COL8A1: variants seen among roughly 807,000 people sequenced by gnomAD.
The protein encoded by COL8A1 is collagen alpha-1(VIII) chain.
A neutral mutation model predicts 42.7 loss-of-function variants in COL8A1; 21 were observed. The ratio of observed to expected loss-of-function variants is 0.49; its 90% CI spans 0.35 to 0.71. The LOEUF (loss-of-function observed/expected upper bound fraction) is 0.71, where lower values mean the gene tolerates loss of function less well. Among genes scored for constraint, COL8A1 ranks in the 30% least tolerant of loss-of-function variants. COL8A1 has a pLI of 0.01. For synonymous variants in COL8A1, 367 were observed against 369.1 expected (o/e 0.99, Z 0.06); for missense variants, 788 against 962.4 (o/e 0.82, Z 2.40).
chr3:99,726,322 T>C (rs954492779), intron 1 of COL8A1, among the ~76,000 whole-genome samples: 11 of 151,642 alleles, frequency 7.3e-5, no homozygotes, highest in East Asian at 1.9e-4. Flanking sequence ...CCCTTTGTCA[T>C]ATGAGTAGGT....
rs913965602 is a variant in COL8A1, at chr3:99,774,767, C to T, written c.-3-15913C>T. ...ACTGTGAGTCATTCCAGGACAGGAG[C>T]CTCATTCTCCACTCATTAGTGAGTC... is the stretch of plus-strand genomic sequence containing the variant. On this transcript the variant is annotated intron_variant, in intron 2 of 3. Coordinates refer to ENST00000652472, the MANE Select transcript of COL8A1 (RefSeq NM_020351.4). Among the ~76,000 whole-genome samples, 10 of 152,316 alleles carry T rather than the reference C, an allele frequency of 6.6e-5. No individual in the cohort carries two copies. The Middle Eastern group carries it at 0.01, about 155-fold the overall frequency.
intron 2 of COL8A1, among the ~76,000 whole-genome samples, chr3:99,782,760 A>G: frequency 6.6e-6 from 1 of 152,218 alleles, no homozygotes; most frequent in East Asian, 1.9e-4. Context: ...CTTTAGAAGT[A>G]GAAGGGACCT....
chr3:99,752,155 A>C (rs1420852467), intron 2 of COL8A1, among the ~76,000 whole-genome samples: 1 of 152,166 alleles, frequency 6.6e-6, no homozygotes, highest in Non-Finnish European at 1.5e-5. Context: ...TCTTTTTCTA[A>C]GTTTAATGTT....
intron 1 of COL8A1, among the ~76,000 whole-genome samples, chr3:99,687,516 G>GCAGGA (rs1238910145): frequency 2.0e-5 from 3 of 152,192 alleles, no homozygotes; most frequent in African/African-American, 4.8e-5. Context: ...TGAGAGTGGG[G>GCAGGA]AGCTATGCCT....
intron 1 of COL8A1, among the ~76,000 whole-genome samples, chr3:99,699,035 C>G (rs2107344245): frequency 6.6e-6 from 1 of 152,324 alleles, no homozygotes; most frequent in East Asian, 1.9e-4. Flanking sequence ...ACAAGTGCCA[C>G]TGGTAGAATA....
intron 1 of COL8A1, among the ~76,000 whole-genome samples, chr3:99,708,040 C>G (rs1055043303): frequency 3.3e-5 from 5 of 152,122 alleles, no homozygotes; most frequent in African/African-American, 7.2e-5. Context: ...GCTGTGAACT[C>G]CATCCAGCAC....
At chr3:99,745,138 C>T (rs1038303152) in intron 2 of COL8A1, 117 bp downstream of exon 2, 2 of 152,220 alleles carry the variant, frequency 1.3e-5, no homozygotes, top group African/African-American at 4.8e-5. Flanking sequence ...TCTAGCCTGC[C>T]TGCATGTCCT....
intron 2 of COL8A1, among the ~76,000 whole-genome samples, chr3:99,766,728 T>C (rs1370193155): frequency 6.6e-6 from 1 of 152,160 alleles, no homozygotes; most frequent in Non-Finnish European, 1.5e-5. Context: ...GGCCAGTGGA[T>C]CACCTGAGGT....
chr3:99,685,914 T>G (rs1939036145), intron 1 of COL8A1, among the ~76,000 whole-genome samples: 1 of 152,220 alleles, frequency 6.6e-6, no homozygotes, highest in Admixed American at 6.5e-5. Context: ...ATGAGAGGTT[T>G]TATTTTTATC....
rs1259226163 is a variant in COL8A1 at position 99,796,078 on chromosome 3, T to C, written c.2177T>C (p.Leu726Pro). 6.3e-7 allele frequency: 1 copy of C among 1,593,228 alleles called. No homozygotes were observed. The highest frequency in any genetic ancestry group is 2.3e-5 in the East Asian group (1 of 44,444). Residue 726 changes from leucine to proline, a missense_variant, in exon 4 of 4, where the codon CTG becomes CCG. By Grantham distance (98) the Leu-to-Pro change is moderately conservative (BLOSUM62 -3). Transcript: ENST00000652472. ...LQMPSEQAAG[L>P]YAGQYVHSSF... ...ATGCCCTCAGAACAGGCTGCAGGAC[T>C]GTATGCCGGGCAGTATGTCCACTCC...
intron 1 of COL8A1, among the ~76,000 whole-genome samples, chr3:99,733,137 ACTTT>A (rs1390973127): frequency 4.2e-5 from 6 of 144,252 alleles, no homozygotes; most frequent in Non-Finnish European, 7.6e-5. Context: ...TTTTTTTTAA[ACTTT>A]CTTTTTTTTA....
Position 99,690,431 on chromosome 3 carries a change from CAG to C in COL8A1, c.-129+51769_-129+51770del, listed in dbSNP as rs558122767. Among the ~76,000 whole-genome samples, 413 of 152,186 alleles carry C rather than the reference CAG, an allele frequency of 2.7e-3. 1 individual carries two copies. The highest frequency in any genetic ancestry group is 9.4e-3 in the African/African-American group (390 of 41,532). On this transcript the variant is annotated intron_variant, in intron 1 of 3. Coordinates refer to ENST00000652472, the MANE Select transcript of COL8A1 (RefSeq NM_020351.4). ...AGATTAGAAAAAATTTTATTTTCCT[CAG>C]ATGAAGGTGGGAACAAATTCTAGGG... is the stretch of plus-strand genomic sequence containing the variant.
In COL8A1 at chr3:99,795,964, C is replaced by A. The variant is rs573385581; in HGVS notation, c.2063C>A (p.Thr688Lys). The A allele has an allele frequency of 4.3e-6, 7 of 1,614,088 alleles. No homozygotes were observed. The highest frequency in any genetic ancestry group is 4.2e-6 in the Non-Finnish European group (5 of 1,179,970). ...AAGAACAACGAGCCCGTGATGTACA[C>A]GTACGACGAGTACAAAAAGGGCTTC... ...LFKNNEPVMY[T>K]YDEYKKGFLD... The change falls in exon 4 of 4, where the codon ACG becomes AAG. Residue 688 changes from threonine to lysine, a missense_variant. Thr to Lys is a moderately conservative substitution (Grantham distance 78). Around this residue, in one of 4 missense-constraint regions of COL8A1, gnomAD observed 212 missense variants for 210.9 expected, o/e 1.00. Coordinates refer to ENST00000652472, the MANE Select transcript of COL8A1 (RefSeq NM_020351.4).
intron 1 of COL8A1, among the ~76,000 whole-genome samples, chr3:99,670,178 C>T (rs1034113270): frequency 2.6e-5 from 4 of 151,994 alleles, no homozygotes; most frequent in Non-Finnish European, 5.9e-5. Context: ...CTGACACTAG[C>T]AGTAATCACT....
At chr3:99,705,954 TG>T (rs1358195554) in intron 1 of COL8A1, among the ~76,000 whole-genome samples, 1 of 152,256 alleles carries the variant, frequency 6.6e-6, no homozygotes, top group East Asian at 1.9e-4. Flanking sequence ...ATTACATTTT[TG>T]TATCTTTCTA....
chr3:99,665,062 C>T (rs1938321375), intron 1 of COL8A1, among the ~76,000 whole-genome samples: 1 of 152,262 alleles, frequency 6.6e-6, no homozygotes, highest in African/African-American at 2.4e-5. Flanking sequence ...ATCCTCATCA[C>T]ATCCAAAAGT....
chr3:99,671,664 T>C (rs985137942), intron 1 of COL8A1, among the ~76,000 whole-genome samples: 1 of 151,992 alleles, frequency 6.6e-6, no homozygotes, highest in African/African-American at 2.4e-5. Context: ...TTATACTCCA[T>C]GTAACAAGTG....
chr3:99,655,936 G>GA, intron 1 of COL8A1, among the ~76,000 whole-genome samples: 1 of 152,042 alleles, frequency 6.6e-6, no homozygotes. Flanking sequence ...AAGAAAGTAA[G>GA]AAAAAAAGAA....
chr3:99,744,861 G>A (rs1028899575), intron 1 of COL8A1, 36 bp from the exon 2 acceptor site: 2 of 152,054 alleles, frequency 1.3e-5, no homozygotes, highest in South Asian at 4.1e-4. Context: ...ACTTTTAATT[G>A]CCTTGAGTAA....
Sources: gnomAD v4.1 joint callset for allele counts (sites outside exome capture counted in the v4.1 genomes callset) on GRCh38, gnomAD v4.1.1 for gene constraint, gnomAD v4.1.1 regional missense constraint, MANE v1.5 for transcripts, NCBI Gene and HGNC (gene_info 2026-07-23, HGNC 2026-07-21) for gene names.